SYT14: variants seen among roughly 807,000 people sequenced by gnomAD.
SYT14 encodes synaptotagmin 14.
SYT14 carries 32 observed loss-of-function variants against 74.2 expected under a neutral mutation model. That is an observed-to-expected ratio of 0.43 (90% CI 0.33 to 0.58). The LOEUF (loss-of-function observed/expected upper bound fraction) is 0.58. SYT14 is among the 20% of genes least tolerant of loss of function. The pLI is 0.05. For synonymous variants in SYT14, 298 were observed against 337.7 expected, an observed-to-expected ratio of 0.88 and a Z score of 1.29; for missense variants, 791 against 981.8, an observed-to-expected ratio of 0.81 and a Z score of 2.60.
chr1:210,067,317 G>C (rs745795950), intron 5 of SYT14, among the ~76,000 whole-genome samples: 10 of 151,942 alleles, frequency 6.6e-5, no homozygotes, highest in Non-Finnish European at 1.2e-4. Context: ...GAATCAACTT[G>C]ACAATTTTTA....
chr1:210,108,219 A>G (rs2082194664), intron 7 of SYT14, among the ~76,000 whole-genome samples: 1 of 152,222 alleles, frequency 6.6e-6, no homozygotes, highest in African/African-American at 2.4e-5. Context: ...GTCTTGGGTG[A>G]GAAGAGATCT....
At chr1:210,080,521 C>G (rs1355805021) in intron 5 of SYT14, among the ~76,000 whole-genome samples, 1 of 152,060 alleles carries the variant, frequency 6.6e-6, no homozygotes, top group African/African-American at 2.4e-5. Flanking sequence ...ACATGGGAAC[C>G]CAGAGGTTTC....
chr1:210,145,843 T>C (rs533109768), intron 7 of SYT14, among the ~76,000 whole-genome samples: 1 of 152,334 alleles, frequency 6.6e-6, no homozygotes, highest in Admixed American at 6.5e-5. Context: ...CAGAATATTG[T>C]TTCTGTTACC....
At chr1:210,031,599 C>G (rs1278488627) in intron 5 of SYT14, among the ~76,000 whole-genome samples, 3 of 152,096 alleles carry the variant, frequency 2.0e-5, no homozygotes, top group Non-Finnish European at 4.4e-5. Context: ...CATACCTATT[C>G]AGGTCGTCTG....
At chr1:210,078,257 C>G (rs1025077905) in intron 5 of SYT14, among the ~76,000 whole-genome samples, 15 of 126,850 alleles carry the variant, frequency 1.2e-4, no homozygotes, top group African/African-American at 3.6e-4. Flanking sequence ...TTGCAGTGAG[C>G]TGAGATCACG....
chr1:210,123,939 A>T (rs1369716160), intron 7 of SYT14, among the ~76,000 whole-genome samples: 2 of 152,222 alleles, frequency 1.3e-5, no homozygotes, highest in Admixed American at 6.5e-5. Flanking sequence ...AAATGCTCAG[A>T]AAAAGGAACA....
intron 5 of SYT14, among the ~76,000 whole-genome samples, chr1:210,087,501 G>T (rs12750115): frequency 2.0e-5 from 3 of 152,092 alleles, no homozygotes; most frequent in Non-Finnish European, 4.4e-5. Context: ...GTTGCCCCAG[G>T]CCAGGCTGCC....
At chr1:209,995,356 A>G (rs965145280) in intron 2 of SYT14, among the ~76,000 whole-genome samples, 8 of 152,318 alleles carry the variant, frequency 5.3e-5, no homozygotes, top group East Asian at 1.9e-4. Context: ...CAGATAAAAC[A>G]TATGTTAAGC....
intron 5 of SYT14, among the ~76,000 whole-genome samples, chr1:210,074,187 TAAC>T (rs1227194619): frequency 6.6e-6 from 1 of 152,186 alleles, no homozygotes; most frequent in Non-Finnish European, 1.5e-5. Context: ...ATCACTATAA[TAAC>T]AACTAAATTT....
At chr1:210,083,079 C>A (rs1010789669) in intron 5 of SYT14, among the ~76,000 whole-genome samples, 1 of 151,884 alleles carries the variant, frequency 6.6e-6, no homozygotes, top group African/African-American at 2.4e-5. Flanking sequence ...CTCCCAGGTT[C>A]AAGAAATCCT....
At chr1:210,171,367 T>C (rs1314212100) in exon 10 of SYT14, 1 of 151,442 alleles carries the variant, frequency 6.6e-6, no homozygotes, top group East Asian at 1.9e-4. Flanking sequence ...GAGCCTTTTT[T>C]AGTTAACATT....
chr1:209,965,882 T>C (rs1438034324), intron 2 of SYT14: 2 of 453,566 alleles, frequency 4.4e-6, no homozygotes, highest in Non-Finnish European at 8.8e-6. Context: ...AACTTCTTTT[T>C]TTTTTTTTAG....
At chr1:209,993,011 TC>T (rs1558116519) in intron 2 of SYT14, among the ~76,000 whole-genome samples, 2 of 152,264 alleles carry the variant, frequency 1.3e-5, no homozygotes, top group African/African-American at 4.8e-5. Flanking sequence ...ACCCCTAGGA[TC>T]CTAGTTACTC....
chr1:209,938,332 G>C, intron 1 of SYT14, 55 bp downstream of exon 1: 1 of 1,522,034 alleles, frequency 6.6e-7, no homozygotes, highest in South Asian at 1.2e-5. Context: ...GCTGGCGGGG[G>C]GCTCGGAGGT....
At chr1:210,143,606 ACTG>A (rs2102678815) in intron 7 of SYT14, among the ~76,000 whole-genome samples, 1 of 152,276 alleles carries the variant, frequency 6.6e-6, no homozygotes, top group South Asian at 2.1e-4. Flanking sequence ...TAAGTGTAAT[ACTG>A]TAAGTTTTGA....
intron 7 of SYT14, among the ~76,000 whole-genome samples, chr1:210,101,721 T>G: frequency 6.6e-6 from 1 of 152,228 alleles, no homozygotes; most frequent in South Asian, 2.1e-4. Flanking sequence ...TTCATAAAAT[T>G]TAATAATCTA....
At chr1:210,051,007 C>T (rs181507791) in intron 5 of SYT14, among the ~76,000 whole-genome samples, 59 of 152,236 alleles carry the variant, frequency 3.9e-4, no homozygotes, top group Admixed American at 3.5e-3. Flanking sequence ...CTTGTTACTG[C>T]TGGGTATCAT....
At chr1:210,065,705 TATACATTTGAA>T (rs1303954369) in intron 5 of SYT14, among the ~76,000 whole-genome samples, 3 of 152,066 alleles carry the variant, frequency 2.0e-5, no homozygotes, top group African/African-American at 7.2e-5. Flanking sequence ...TGTATGTAAA[TATACATTTGAA>T]ATACTTTTTT....
intron 7 of SYT14, among the ~76,000 whole-genome samples, chr1:210,101,705 G>A (rs1040451244): frequency 5.3e-5 from 8 of 151,802 alleles, no homozygotes; most frequent in South Asian, 2.1e-4. Context: ...GGGGAAGAAC[G>A]AATTTTTCAT....
Sources: gnomAD v4.1 joint callset for allele counts (sites outside exome capture counted in the v4.1 genomes callset) on GRCh38, gnomAD v4.1.1 for gene constraint, MANE v1.5 for transcripts, NCBI Gene and HGNC (gene_info 2026-07-23, HGNC 2026-07-21) for gene names.